The following GRHL2 variants were observed in gnomAD, a reference collection of about 807,000 sequenced individuals.
GRHL2 encodes grainyhead like transcription factor 2, also known as grainyhead-like protein 2 homolog.
A neutral mutation model predicts 83.8 loss-of-function variants in GRHL2; 21 were observed. That is an observed-to-expected ratio of 0.25 (90% confidence interval 0.18 to 0.36). The LOEUF (loss-of-function observed/expected upper bound fraction) is 0.36. Among genes scored for constraint, GRHL2 ranks in the 10% least tolerant of loss-of-function variants. GRHL2 has a pLI of 1.00. For missense variants in GRHL2, 623 were observed against 781.8 expected (o/e 0.80, Z 2.42); for synonymous variants, 280 against 278.9 (o/e 1.00, Z -0.04).
chr8:101,530,868 A>G (rs1382503348), intron 1 of GRHL2, among the ~76,000 whole-genome samples: 1 of 152,126 alleles, frequency 6.6e-6, no homozygotes, highest in Admixed American at 6.6e-5. Flanking sequence ...TCCCTTTTCA[A>G]CTAACTTTTT....
At position 101,618,027 on chromosome 8, in the gene GRHL2, T is replaced by C. The variant is rs554864813; in HGVS notation, c.1099-1512T>C. ...AGCAATGAATAGTTTAACATTTTAT[T>C]TTAAATAAAAAGAATACATGTGGCA... On this transcript the variant is annotated intron_variant, in intron 8 of 15. Transcript: ENST00000646743. 2.5e-3 allele frequency among the ~76,000 whole-genome samples: 381 copies of C among 152,326 alleles called. 4 individuals carry two copies. Among genetic ancestry groups the C allele is most frequent in the African/African-American group, 8.8e-3 (364 of 41,586 alleles).
chr8:101,666,138 C>CA (rs953469055), intron 15 of GRHL2, among the ~76,000 whole-genome samples: 1 of 152,094 alleles, frequency 6.6e-6, no homozygotes, highest in African/African-American at 2.4e-5. Flanking sequence ...ATTACATGCT[C>CA]AAAAAAGGGT....
chr8:101,500,682 G>C (rs1021742714), intron 1 of GRHL2, among the ~76,000 whole-genome samples: 3 of 152,006 alleles, frequency 2.0e-5, no homozygotes, highest in Non-Finnish European at 2.9e-5. Context: ...CTAATTTTTT[G>C]GTATTTTTAG....
Position 101,575,746 on chromosome 8 carries a change from C to T in GRHL2, c.892-1662C>T, listed in dbSNP as rs375896189. Among the ~76,000 whole-genome samples the T allele has an allele frequency of 4.3e-4, 66 of 152,150 alleles. 1 individual carries two copies. The East Asian group carries it at 8.7e-3, about 20-fold the overall frequency. ...TACTTTAAATTTTATTTTTATTTTG[C>T]GACAAATAAATACCAGGAAGCCACG... On this transcript the variant is annotated intron_variant, in intron 6 of 15. Coordinates refer to ENST00000646743, the MANE Select transcript of GRHL2 (RefSeq NM_024915.4).
At chr8:101,588,130 A>G (rs540436701) in intron 7 of GRHL2, among the ~76,000 whole-genome samples, 2 of 152,282 alleles carry the variant, frequency 1.3e-5, no homozygotes. Context: ...AATAAATGAG[A>G]GTCTCGTCAT....
rs572646678 is a variant in GRHL2, at chr8:101,609,544, A to G, written c.1099-9995A>G. ...AAATTTATACACGCACATGTGAACA[A>G]AAGCCACGTAGAAAGACATTCATTG... On this transcript the variant is annotated intron_variant, in intron 8 of 15. Transcript: ENST00000646743. 9.8e-4 allele frequency among the ~76,000 whole-genome samples: 148 copies of G among 151,218 alleles called. 1 individual carries two copies. The highest frequency in any genetic ancestry group is 1.7e-3 in the Non-Finnish European group (115 of 68,008).
intron 1 of GRHL2, among the ~76,000 whole-genome samples, chr8:101,528,061 GT>G (rs1011402099): frequency 3.9e-5 from 6 of 151,984 alleles, no homozygotes; most frequent in African/African-American, 9.6e-5. Flanking sequence ...CAATACTCAA[GT>G]TTTTTTTCAG....
At chr8:101,652,420 TGTGTGGTGTGTGTGTCTG>T in intron 14 of GRHL2, among the ~76,000 whole-genome samples, 2 of 93,736 alleles carry the variant, frequency 2.1e-5, no homozygotes, top group Non-Finnish European at 4.0e-5. Context: ...GTGGTGTGTG[TGTGTGGTGTGTGTGTCTG>T]GTGTGTGTGG....
At chr8:101,596,652 TAAAG>T (rs768188257) in intron 7 of GRHL2, among the ~76,000 whole-genome samples, 2 of 152,100 alleles carry the variant, frequency 1.3e-5, no homozygotes, top group African/African-American at 2.4e-5. Context: ...CAAAAATAAA[TAAAG>T]AAATAATTGT....
At chr8:101,674,856 C>T in the GRHL2 span, among the ~76,000 whole-genome samples, 1 of 152,020 alleles carries the variant, frequency 6.6e-6, no homozygotes, top group Non-Finnish European at 1.5e-5. Flanking sequence ...AAAGCTTATC[C>T]ACCATGATCA....
At chr8:101,591,150 A>T (rs1812272942) in intron 7 of GRHL2, among the ~76,000 whole-genome samples, 1 of 152,158 alleles carries the variant, frequency 6.6e-6, no homozygotes, top group African/African-American at 2.4e-5. Context: ...ATAAAAAAAT[A>T]ACAAAAGGAT....
At chr8:101,627,714 C>T (rs1345144869) in intron 9 of GRHL2, among the ~76,000 whole-genome samples, 1 of 152,054 alleles carries the variant, frequency 6.6e-6, no homozygotes, top group South Asian at 2.1e-4. Context: ...AGCCAACGTG[C>T]GAATGCAAAG....
At chr8:101,589,371 T>C (rs992631087) in intron 7 of GRHL2, among the ~76,000 whole-genome samples, 1 of 152,246 alleles carries the variant, frequency 6.6e-6, no homozygotes, top group African/African-American at 2.4e-5. Flanking sequence ...TCTGGAGCTA[T>C]GTGCTGTGGT....
rs1347997423 is a variant in GRHL2, at chr8:101,580,853, G to A, written c.1003+3334G>A. ...TGAGTAGCTGGGGCTACAGGCACACGCCACCACGCCCAGCTAATTTTTTGT... is the reference window on the plus strand; with the variant it reads ...TGAGTAGCTGGGGCTACAGGCACACACCACCACGCCCAGCTAATTTTTTGT... On this transcript the variant is annotated intron_variant, in intron 7 of 15. Transcript: ENST00000646743. Among the ~76,000 whole-genome samples the A allele has an allele frequency of 3.9e-5, 6 of 152,132 alleles. No homozygotes were observed. In the South Asian group the frequency reaches 6.2e-4, roughly 16 times the overall value.
At chr8:101,640,093 G>T (rs2129649906) in intron 12 of GRHL2, among the ~76,000 whole-genome samples, 1 of 152,320 alleles carries the variant, frequency 6.6e-6, no homozygotes, top group South Asian at 2.1e-4. Context: ...CTCAACACCA[G>T]GTCCCTTGCT....
intron 2 of GRHL2, among the ~76,000 whole-genome samples, chr8:101,550,089 G>T (rs1047067863): frequency 6.6e-6 from 1 of 150,878 alleles, no homozygotes; most frequent in African/African-American, 2.4e-5. Context: ...AATGCCAGTG[G>T]AATTTCTTTC....
chr8:101,577,668 G>T lies in GRHL2; in HGVS notation c.1003+149G>T, dbSNP rs968929398. 7.2e-6 allele frequency: 5 copies of T among 693,942 alleles called. No individual in the cohort carries two copies. In the Admixed American group the frequency reaches 1.0e-4, roughly 14 times the overall value. The allele number at this position is 693,942 out of a possible 1,614,324, so 43.0% of individuals were successfully genotyped here. On this transcript the variant is annotated intron_variant, in intron 7 of 15. Transcript: ENST00000646743. ...AGTCTATGTCAGGACATTTAGTGCA[G>T]ATCAGACTGAGTAACCAAAATCAGG...
At chr8:101,573,120 T>A (rs186320266) in intron 5 of GRHL2, among the ~76,000 whole-genome samples, 2 of 151,780 alleles carry the variant, frequency 1.3e-5, no homozygotes, top group East Asian at 3.9e-4. Context: ...AGAAGCAAAA[T>A]ACAAAAAGTA....
intron 1 of GRHL2, among the ~76,000 whole-genome samples, chr8:101,512,133 ATC>A (rs924237336): frequency 2.4e-4 from 37 of 151,748 alleles, no homozygotes; most frequent in African/African-American, 8.4e-4. Context: ...CTTTAAAAAA[ATC>A]TCTCTGGTTA....
Sources: gnomAD v4.1 joint callset for allele counts (sites outside exome capture counted in the v4.1 genomes callset) on GRCh38, gnomAD v4.1.1 for gene constraint, MANE v1.5 for transcripts, NCBI Gene and HGNC (gene_info 2026-07-23, HGNC 2026-07-21) for gene names.